PCDHGB5: variants seen among roughly 807,000 people sequenced by gnomAD.
PCDHGB5 encodes the protein protocadherin gamma subfamily B, 5, also known as protocadherin gamma-B5.
PCDHGB5 carries 48 observed loss-of-function variants against 62.9 expected under a neutral mutation model. The ratio of observed to expected loss-of-function variants is 0.76; its 90% confidence interval spans 0.61 to 0.97. The LOEUF (loss-of-function observed/expected upper bound fraction) is 0.97. Ranked by LOEUF, PCDHGB5 falls within the 50% of genes least tolerant of loss-of-function variation. The pLI is 0.00. For synonymous variants in PCDHGB5, 474 were observed against 511.2 expected, an observed-to-expected ratio of 0.93 and a Z score of 0.98; for missense variants, 1,118 against 1,198.6, an observed-to-expected ratio of 0.93 and a Z score of 0.99.
At chr5:141,422,480 G>A in intron 1 of PCDHGB5, 2 of 1,613,906 alleles carry the variant, frequency 1.2e-6, no homozygotes, top group South Asian at 2.2e-5. Flanking sequence ...TTGGTCCAGA[G>A]CTACAATATA....
intron 1 of PCDHGB5, chr5:141,418,730 G>A (rs371887408): frequency 6.2e-6 from 10 of 1,613,832 alleles, no homozygotes; most frequent in African/African-American, 1.3e-5. Context: ...AGCTCAGCAC[G>A]TGTTCTCTCT....
intron 1 of PCDHGB5, chr5:141,430,662 C>A: frequency 8.6e-7 from 1 of 1,169,068 alleles, no homozygotes; most frequent in Non-Finnish European, 1.2e-6. Context: ...AACGGAGGAG[C>A]TCTGACTTCC....
chr5:141,453,341 C>T (rs1327119655), intron 1 of PCDHGB5, among the ~76,000 whole-genome samples: 2 of 151,822 alleles, frequency 1.3e-5, no homozygotes, highest in East Asian at 3.9e-4. Context: ...CTATGTTTCC[C>T]CAGGCTGACC....
Position 141,487,820 on chromosome 5 carries a change from G to A in PCDHGB5, c.2398-6987G>A, listed in dbSNP as rs1024593393. 8 of 1,293,652 alleles carry A rather than the reference G, an allele frequency of 6.2e-6. No individual in the cohort carries two copies. The highest frequency in any genetic ancestry group is 3.7e-4 in the Middle Eastern group (2 of 5,382). 80.1% of individuals were successfully genotyped at this position (1,293,652 alleles called of 1,614,324 possible). A position where few individuals can be genotyped will look rare whatever the true frequency, so the allele number is the denominator to read the frequency against. On this transcript the variant is annotated intron_variant, in intron 1 of 3. Transcript: ENST00000617380. This position sits in a 1 kb window ranked among gnomAD's most constrained non-coding sequence, Gnocchi z 5.0. ...GTTGTCACAGTTTAGCATTGGGGGC[G>A]GGTCATGCCTATATCTGAGTAAGAA...
In PCDHGB5 at chr5:141,417,959, C is replaced by T. The variant is rs759279387; in HGVS notation, c.2397+17435C>T. 7.4e-6 allele frequency: 12 copies of T among 1,613,616 alleles called. No homozygotes were observed. The highest frequency in any genetic ancestry group is 4.0e-5 in the African/African-American group (3 of 74,932). On this transcript the variant is annotated intron_variant, in intron 1 of 3. Coordinates refer to ENST00000617380, the MANE Select transcript of PCDHGB5 (RefSeq NM_018925.3). The stretch of plus-strand genomic sequence containing the variant: ...CTACCCCACGCTGTGTGAGCCGATC[C>T]GCTACTCGATTCCGGAGGAGCTGGC...
Position 141,398,034 on chromosome 5 carries a change from A to G in PCDHGB5, c.-94A>G. ...CGTTTCCTAAACTGGAACTGGAACT[A>G]AAGCCCGTTCGGAGATCCAAAAATC... On this transcript the variant is annotated 5_prime_UTR_variant, in exon 1 of 4. Coordinates refer to ENST00000617380, the MANE Select transcript of PCDHGB5 (RefSeq NM_018925.3). The G allele has an allele frequency of 6.8e-7, 1 of 1,475,238 alleles. No individual in the cohort carries two copies. The highest frequency in any genetic ancestry group is 1.4e-5 in the South Asian group (1 of 72,666). The allele number at this position is 1,475,238 out of a possible 1,614,324, so 91.4% of individuals were successfully genotyped here.
At chr5:141,461,892 C>T (rs976827774) in intron 1 of PCDHGB5, among the ~76,000 whole-genome samples, 2 of 152,030 alleles carry the variant, frequency 1.3e-5, no homozygotes, top group Non-Finnish European at 2.9e-5. Context: ...GGCACGATCT[C>T]GGCTCACTGC....
At chr5:141,433,034 C>T in intron 1 of PCDHGB5, 1 of 1,614,184 alleles carries the variant, frequency 6.2e-7, no homozygotes. Flanking sequence ...CGAGGTTTCC[C>T]TCACCACGGA....
intron 1 of PCDHGB5, chr5:141,423,700 G>A (rs753612385): frequency 7.5e-7 from 1 of 1,324,816 alleles, no homozygotes; most frequent in Non-Finnish European, 9.8e-7. Context: ...TTGGTGTCTT[G>A]GCACAAGTCT....
chr5:141,470,707 TA>T (rs1207543665), intron 1 of PCDHGB5, among the ~76,000 whole-genome samples: 1 of 152,164 alleles, frequency 6.6e-6, no homozygotes, highest in African/African-American at 2.4e-5. Flanking sequence ...ATTTTTATTT[TA>T]TTTTTTTGAG....
At chr5:141,466,058 C>T (rs970494567) in intron 1 of PCDHGB5, among the ~76,000 whole-genome samples, 2 of 152,046 alleles carry the variant, frequency 1.3e-5, no homozygotes, top group African/African-American at 4.8e-5. Flanking sequence ...GGAGACGGAG[C>T]TTGCAGTGAG....
At chr5:141,436,071 A>G (rs1419598304) in intron 1 of PCDHGB5, among the ~76,000 whole-genome samples, 1 of 152,222 alleles carries the variant, frequency 6.6e-6, no homozygotes. Context: ...TAATAAGTAC[A>G]GTGTTCTATA....
chr5:141,478,454 A>T, intron 1 of PCDHGB5: 1 of 1,613,596 alleles, frequency 6.2e-7, no homozygotes. Flanking sequence ...TGGTGCAGCC[A>T]GTCCACTGGC....
In PCDHGB5 at chr5:141,486,587, G is replaced by A. The variant is rs2099631441; in HGVS notation, c.2398-8220G>A. 6.2e-7 allele frequency: 1 copy of A among 1,613,478 alleles called. No homozygotes were observed. The highest frequency in any genetic ancestry group is 1.7e-5 in the Admixed American group (1 of 60,014). On this transcript the variant is annotated intron_variant, in intron 1 of 3. Coordinates refer to ENST00000617380, the MANE Select transcript of PCDHGB5 (RefSeq NM_018925.3). The surrounding 1 kb of genome is among the most constrained non-coding windows in gnomAD (Gnocchi z 5.0). ...TGTTCCTGAGAACAATCGCCCAGGGGACCTGCTTTGCTCCCTTGCAGCCTC... is the reference window on the plus strand; with the variant it reads ...TGTTCCTGAGAACAATCGCCCAGGGAACCTGCTTTGCTCCCTTGCAGCCTC...
At position 141,477,596 on chromosome 5, in the gene PCDHGB5, T is replaced by G. The variant is rs1364779381; in HGVS notation, c.2398-17211T>G. ...CGCCCCGCAGAATGCTCGGCTTTCTTTCTTTCTCTTGGAGCAAGGAGCTGA... is the reference window on the plus strand; with the variant it reads ...CGCCCCGCAGAATGCTCGGCTTTCTGTCTTTCTCTTGGAGCAAGGAGCTGA... On this transcript the variant is annotated intron_variant, in intron 1 of 3. Transcript: ENST00000617380. This position sits in a 1 kb window ranked among gnomAD's most constrained non-coding sequence, Gnocchi z 4.9. The G allele has an allele frequency of 6.2e-7, 1 of 1,614,184 alleles. No individual in the cohort carries two copies. The highest frequency in any genetic ancestry group is 1.1e-5 in the South Asian group (1 of 91,086).
chr5:141,437,664 A>G (rs10035418), intron 1 of PCDHGB5, among the ~76,000 whole-genome samples: 45,525 of 151,942 alleles, frequency 0.3, 8,040 homozygotes, highest in African/African-American at 0.5. Context: ...AGTTTCGAAG[A>G]GATGTTGATC....
Position 141,485,036 on chromosome 5 carries a change from C to A in PCDHGB5, c.2398-9771C>A. ...CGCCACCAGCAAAAACGGCGCGTAA[C>A]CCTTGCGGCGCCGGCCGAACCGCGC... On this transcript the variant is annotated intron_variant, in intron 1 of 3. Coordinates refer to ENST00000617380, the MANE Select transcript of PCDHGB5 (RefSeq NM_018925.3). The surrounding 1 kb of genome is among the most constrained non-coding windows in gnomAD (Gnocchi z 5.7). 1 of 698,458 alleles carries A rather than the reference C, an allele frequency of 1.4e-6. No individual in the cohort carries two copies. The highest frequency in any genetic ancestry group is 2.5e-6 in the Non-Finnish European group (1 of 399,316). The allele number at this position is 698,458 out of a possible 1,614,324, so 43.3% of individuals were successfully genotyped here. A position where few individuals can be genotyped will look rare whatever the true frequency, so the allele number is the denominator to read the frequency against.
chr5:141,470,825 C>T (rs557419577), intron 1 of PCDHGB5, among the ~76,000 whole-genome samples: 5 of 152,064 alleles, frequency 3.3e-5, no homozygotes, highest in Admixed American at 1.3e-4. Context: ...GTAGTTAGGA[C>T]GACAAACACA....
intron 3 of PCDHGB5, among the ~76,000 whole-genome samples, chr5:141,506,190 C>T (rs1313145580): frequency 6.6e-6 from 1 of 152,180 alleles, no homozygotes; most frequent in Non-Finnish European, 1.5e-5. Flanking sequence ...GTGGCTCACG[C>T]CTGTAATCCC....
Sources: gnomAD v4.1 joint callset for allele counts (sites outside exome capture counted in the v4.1 genomes callset) on GRCh38, gnomAD v4.1.1 for gene constraint, Gnocchi (gnomAD v3.1) non-coding constraint, MANE v1.5 for transcripts, NCBI Gene and HGNC (gene_info 2026-07-23, HGNC 2026-07-21) for gene names.